Variants in LGR5 observed in about 807,000 individuals in gnomAD.
LGR5 encodes the protein leucine-rich repeat-containing G protein-coupled receptor 5.
A neutral mutation model predicts 76.7 loss-of-function variants in LGR5; 54 were observed. The observed-to-expected ratio is 0.70, with a 90% confidence interval of 0.57 to 0.88. LGR5 has a LOEUF of 0.88. Ranked by LOEUF, LGR5 falls within the 40% of genes least tolerant of loss-of-function variation. LGR5 has a pLI of 0.00. For missense variants in LGR5, 1,078 were observed against 1,073.3 expected, an observed-to-expected ratio of 1.00 and a Z score of -0.06; for synonymous variants, 406 against 421.9, an observed-to-expected ratio of 0.96 and a Z score of 0.46.
At chr12:71,514,296 C>T (rs546601172) in intron 2 of LGR5, among the ~76,000 whole-genome samples, 5 of 151,628 alleles carry the variant, frequency 3.3e-5, no homozygotes, top group Non-Finnish European at 5.9e-5. Flanking sequence ...GGGCAGGGCA[C>T]GGTGGCTCAC....
intron 2 of LGR5, among the ~76,000 whole-genome samples, chr12:71,515,449 T>A (rs1261131190): frequency 1.3e-5 from 2 of 152,210 alleles, no homozygotes; most frequent in South Asian, 4.1e-4. Context: ...TTCAGAAATT[T>A]TACATTTAAA....
chr12:71,500,116 A>G (rs938987236), intron 1 of LGR5, among the ~76,000 whole-genome samples: 4 of 152,184 alleles, frequency 2.6e-5, no homozygotes, highest in Non-Finnish European at 5.9e-5. Flanking sequence ...TGTTCCTAGA[A>G]TAAAACCTGA....
chr12:71,571,657 T>G, intron 12 of LGR5, 78 bp downstream of exon 12: 2 of 1,037,176 alleles, frequency 1.9e-6, no homozygotes, highest in Non-Finnish European at 3.0e-6. Context: ...CTGGTTCATT[T>G]ACCCTGTGGT....
At chr12:71,525,067 A>C (rs974686421) in intron 3 of LGR5, among the ~76,000 whole-genome samples, 4 of 152,134 alleles carry the variant, frequency 2.6e-5, no homozygotes, top group African/African-American at 9.7e-5. Flanking sequence ...ATTATTGAAT[A>C]CTTCCTTCTT....
intron 4 of LGR5, among the ~76,000 whole-genome samples, chr12:71,546,471 C>T (rs909215973): frequency 3.3e-5 from 5 of 152,108 alleles, no homozygotes; most frequent in African/African-American, 7.2e-5. Flanking sequence ...TCTCTGTTCT[C>T]GCATCCATCC....
At chr12:71,499,450 C>G (rs780188350) in intron 1 of LGR5, among the ~76,000 whole-genome samples, 1 of 151,938 alleles carries the variant, frequency 6.6e-6, no homozygotes, top group Non-Finnish European at 1.5e-5. Flanking sequence ...CAAAGGGAAA[C>G]GGTAAGAATT....
At position 71,458,621 on chromosome 12, in the gene LGR5, G is replaced by A. The variant is rs960638531; in HGVS notation, c.212+18329G>A. On this transcript the variant is annotated intron_variant, in intron 1 of 17. Transcript: ENST00000266674. ...TTTTATAAAGTCTAGAAAAGATGGC[G>A]ACTATTATGAGTAAGAAGTCAATCT... 4.5e-4 allele frequency among the ~76,000 whole-genome samples: 69 copies of A among 152,062 alleles called. 1 individual carries two copies. Among genetic ancestry groups the A allele is most frequent in the Admixed American group, 3.7e-3 (56 of 15,258 alleles).
intron 1 of LGR5, among the ~76,000 whole-genome samples, chr12:71,458,337 G>T (rs1034498035): frequency 6.6e-6 from 1 of 152,032 alleles, no homozygotes; most frequent in Non-Finnish European, 1.5e-5. Context: ...GCCTCTGTGA[G>T]GTTGGAGCTC....
intron 1 of LGR5, chr12:71,441,471 G>T (rs1871766707): frequency 6.6e-6 from 1 of 152,216 alleles, no homozygotes; most frequent in Admixed American, 6.5e-5. Flanking sequence ...GATGTACCTT[G>T]GCAGGAGAGA....
intron 4 of LGR5, among the ~76,000 whole-genome samples, chr12:71,547,579 A>G (rs994992196): frequency 1.3e-5 from 2 of 152,232 alleles, no homozygotes; most frequent in African/African-American, 4.8e-5. Flanking sequence ...CTTAATTCCC[A>G]AAGCAATTCT....
At position 71,580,260 on chromosome 12, in the gene LGR5, G is replaced by T. The variant is rs1230164017; in HGVS notation, c.1407-18G>T. On this transcript the variant is annotated intron_variant, in intron 15 of 17. Coordinates refer to ENST00000266674, the MANE Select transcript of LGR5 (RefSeq NM_003667.4). ...CGTTTCTTTAAGTGTTTTTTGTTTG[G>T]GTTTTGTTCATTTAAAGGGTTATAG... 3.8e-6 allele frequency: 6 copies of T among 1,577,850 alleles called. No individual in the cohort carries two copies. The highest frequency in any genetic ancestry group is 2.7e-5 in the African/African-American group (2 of 72,956).
chr12:71,450,631 G>T (rs1369162818), intron 1 of LGR5, among the ~76,000 whole-genome samples: 1 of 152,046 alleles, frequency 6.6e-6, no homozygotes, highest in African/African-American at 2.4e-5. Flanking sequence ...AGTTAAATAT[G>T]TGATTATTGT....
At chr12:71,557,756 G>A (rs1182608928) in intron 6 of LGR5, among the ~76,000 whole-genome samples, 1 of 152,084 alleles carries the variant, frequency 6.6e-6, no homozygotes, top group African/African-American at 2.4e-5. Flanking sequence ...AGGGTCCTGA[G>A]TGTGCTGGGA....
chr12:71,447,113 T>C (rs1431395784), intron 1 of LGR5, among the ~76,000 whole-genome samples: 1 of 152,218 alleles, frequency 6.6e-6, no homozygotes, highest in Non-Finnish European at 1.5e-5. Context: ...ACCTTTAAAA[T>C]GGATGAGATG....
At chr12:71,485,799 C>T (rs1873799306) in intron 1 of LGR5, among the ~76,000 whole-genome samples, 1 of 150,476 alleles carries the variant, frequency 6.6e-6, no homozygotes, top group Admixed American at 6.6e-5. Context: ...GGAAGTCTCA[C>T]TCTGTCTCCA....
intron 13 of LGR5, among the ~76,000 whole-genome samples, chr12:71,576,209 C>A (rs999512194): frequency 6.6e-6 from 1 of 152,148 alleles, no homozygotes; most frequent in African/African-American, 2.4e-5. Flanking sequence ...ATGTAACAAA[C>A]CTGCATGTCC....
chr12:71,575,067 G>A (rs531193521), intron 13 of LGR5, among the ~76,000 whole-genome samples: 8 of 152,230 alleles, frequency 5.3e-5, no homozygotes, highest in East Asian at 1.9e-4. Flanking sequence ...GTGTGCCTGC[G>A]TTTGAATTGC....
At chr12:71,476,498 A>G (rs1470660797) in intron 1 of LGR5, among the ~76,000 whole-genome samples, 1 of 152,174 alleles carries the variant, frequency 6.6e-6, no homozygotes, top group Non-Finnish European at 1.5e-5. Context: ...GGGATTTGCC[A>G]TGGTGGTAGC....
chr12:71,583,885 A>G lies in LGR5; in HGVS notation c.1875A>G (p.Ala625=), dbSNP rs772311223. The G allele has an allele frequency of 6.2e-7, 1 of 1,614,114 alleles. No homozygotes were observed. Among genetic ancestry groups the G allele is most frequent in the Non-Finnish European group, 8.5e-7 (1 of 1,180,014 alleles). The change falls in exon 18 of 18, where the codon GCA becomes GCG. Residue 625 remains alanine (A), a synonymous_variant. Transcript: ENST00000266674. ...ATGCGTTCACTTTTGGCAGCTTTGC[A>G]CGACATGGTGCCTGGTGGGAGAATG... The part of the protein sequence containing the change: ...GVDAFTFGSF[A]RHGAWWENGV...
Sources: allele counts gnomAD v4.1 joint callset (sites outside exome capture counted in the v4.1 genomes callset), GRCh38; gene constraint gnomAD v4.1.1; transcripts MANE v1.5; gene names NCBI Gene and HGNC (gene_info 2026-07-23, HGNC 2026-07-21).